Variants in SLC4A2 observed in about 807,000 individuals in gnomAD.
The protein encoded by SLC4A2 is solute carrier family 4 member 2.
A neutral mutation model predicts 115.0 loss-of-function variants in SLC4A2; 36 were observed. The observed-to-expected ratio is 0.31, with a 90% CI of 0.24 to 0.41. The LOEUF is 0.41. SLC4A2 is among the 10% of genes least tolerant of loss of function. The pLI is 1.00. For synonymous variants in SLC4A2, 708 were observed against 708.3 expected (o/e 1.00, Z 0.01); for missense variants, 1,252 against 1,705.6 (o/e 0.73, Z 4.68).
chr7:151,070,379 G>A (rs749843926), intron 10 of SLC4A2, 33 bp downstream of exon 10: 18 of 1,609,568 alleles, frequency 1.1e-5, no homozygotes, highest in Admixed American at 8.4e-5. Flanking sequence ...CTGGGCTGGC[G>A]GCAGGGCTGA....
rs1797611392 is a variant in SLC4A2 at position 151,075,849 on chromosome 7, G to C, written c.3471+74G>C. 8.0e-6 allele frequency: 12 copies of C among 1,503,030 alleles called. No homozygotes were observed. The South Asian group carries it at 1.5e-4, about 19-fold the overall frequency. 93.1% of individuals were successfully genotyped at this position (1,503,030 alleles called of 1,614,324 possible). On this transcript the variant is annotated intron_variant, in intron 21 of 22. Coordinates refer to ENST00000413384, the MANE Select transcript of SLC4A2 (RefSeq NM_003040.4). ...GGTCTACTTGGGTCACTCTCCAGCT[G>C]CCCCCTCCCATCTGCCCAGTTCAGC...
rs1388701735 is a variant in SLC4A2 at position 151,060,844 on chromosome 7, T to C, written c.-63-1081T>C. The stretch of plus-strand genomic sequence containing the variant: ...ATCCTGGGTGACCCCCCCAGACCTA[T>C]ATTGTTTGACGCTACACTGACTTGT... On this transcript the variant is annotated intron_variant, in intron 1 of 22. Coordinates refer to ENST00000413384, the MANE Select transcript of SLC4A2 (RefSeq NM_003040.4). The surrounding 1 kb of genome is among the most constrained non-coding windows in gnomAD (Gnocchi z 5.9). 1.3e-5 allele frequency among the ~76,000 whole-genome samples: 2 copies of C among 152,056 alleles called. No individual in the cohort carries two copies. Among genetic ancestry groups the C allele is most frequent in the African/African-American group, 4.8e-5 (2 of 41,408 alleles).
chr7:151,064,032 G>T (rs932781930), intron 2 of SLC4A2, among the ~76,000 whole-genome samples, 170 bp from the exon 3 acceptor site: 10 of 151,312 alleles, frequency 6.6e-5, no homozygotes, highest in Admixed American at 2.6e-4. Context: ...CCTGGCCTGG[G>T]TCCCTATATT....
chr7:151,073,734 C>T (rs1244064327), intron 16 of SLC4A2, among the ~76,000 whole-genome samples: 1 of 152,178 alleles, frequency 6.6e-6, no homozygotes, highest in African/African-American at 2.4e-5. Flanking sequence ...ATGTGTGTGA[C>T]AGGCCACTCA....
At chr7:151,063,874 G>T (rs539300385) in intron 2 of SLC4A2, among the ~76,000 whole-genome samples, 1 of 152,238 alleles carries the variant, frequency 6.6e-6, no homozygotes, top group African/African-American at 2.4e-5. Context: ...GATTACTGGT[G>T]TCCGCCACCA....
Position 151,074,683 on chromosome 7 carries a change from C to T in SLC4A2, c.2889C>T (p.Ser963=), listed in dbSNP as rs1378265892. ...SIEDTYTQKL[S]VPSGFSVTAP... ...CTGTGTCTGCCCTGCAGAAGCTGAG[C>T]GTTCCCAGTGGATTCTCGGTGACTG... Residue 963 remains serine, a synonymous_variant, in exon 19 of 23, where the codon AGC becomes AGT. Transcript: ENST00000413384. The T allele has an allele frequency of 3.1e-6, 5 of 1,597,582 alleles. No homozygotes were observed. The highest frequency in any genetic ancestry group is 2.2e-5 in the South Asian group (2 of 90,020).
intron 19 of SLC4A2, 76 bp downstream of exon 19, chr7:151,074,917 A>T (rs753910339): frequency 7.0e-7 from 1 of 1,426,598 alleles, no homozygotes; most frequent in Non-Finnish European, 9.4e-7. Flanking sequence ...TGGAACCTCC[A>T]GCCACACTGG....
At chr7:151,066,424 T>C (rs916820370) in intron 5 of SLC4A2, 93 bp from the exon 6 acceptor site, 1 of 1,391,004 alleles carries the variant, frequency 7.2e-7, no homozygotes, top group Non-Finnish European at 9.5e-7. Flanking sequence ...TGGAGTCCGA[T>C]GTGGGTCCCC....
intron 5 of SLC4A2, among the ~76,000 whole-genome samples, chr7:151,065,861 G>T (rs780168868): frequency 6.6e-6 from 1 of 152,148 alleles, no homozygotes; most frequent in Non-Finnish European, 1.5e-5. Flanking sequence ...AGAGCTTGGA[G>T]CTCTGGGGGC....
At chr7:151,058,582 C>T (rs1034277807), upstream of SLC4A2, 1 of 152,328 alleles carries the variant, frequency 6.6e-6, no homozygotes, top group Admixed American at 6.5e-5. Flanking sequence ...TTTGTTGTCT[C>T]GGAGCCCACC....
In SLC4A2 at chr7:151,070,387, TGAGGAAGCC is replaced by T. The variant is rs747770342; in HGVS notation, c.1449+42_1449+50del. 1.5e-5 allele frequency: 24 copies of T among 1,610,422 alleles called. No homozygotes were observed. In the South Asian group the frequency reaches 2.5e-4, roughly 17 times the overall value. ...GCCCTGCCTGGGCTGGCGGCAGGGC[TGAGGAAGCC>T]TGGGTGTGGACTCAGAGTGGGAGGG... On this transcript the variant is annotated intron_variant, in intron 10 of 22. Transcript: ENST00000413384.
chr7:151,075,959 C>A, intron 21 of SLC4A2, 54 bp from the exon 22 acceptor site: 1 of 1,527,626 alleles, frequency 6.5e-7, no homozygotes, highest in East Asian at 2.3e-5. Context: ...GAGAGAGGCT[C>A]TTCCCAGCAG....
chr7:151,069,928 C>T lies in SLC4A2; in HGVS notation c.1148-19C>T. On this transcript the variant is annotated intron_variant, in intron 8 of 22. Coordinates refer to ENST00000413384, the MANE Select transcript of SLC4A2 (RefSeq NM_003040.4). Reference sequence around the variant, plus strand: ...TTGTGACCTGGGGCTGAGGGGCCCTCTGTGCCATCTTATGCTAGGGGCTGT... The same window carrying T: ...TTGTGACCTGGGGCTGAGGGGCCCTTTGTGCCATCTTATGCTAGGGGCTGT... 1.2e-6 allele frequency: 2 copies of T among 1,613,594 alleles called. No individual in the cohort carries two copies. Among genetic ancestry groups the T allele is most frequent in the South Asian group, 1.1e-5 (1 of 91,074 alleles).
rs762370171 is a variant in SLC4A2, at chr7:151,070,920, C to T, written c.1749+9C>T. The T allele has an allele frequency of 3.7e-5, 59 of 1,611,286 alleles. No individual in the cohort carries two copies. The highest frequency in any genetic ancestry group is 4.7e-5 in the Non-Finnish European group (55 of 1,179,576). Reference sequence around the variant, plus strand: ...CCCTCATGTCAGACAAGGTCAGCTACCCTCCTCCTCTGGGCCCTGCTTCCT... The same window carrying T: ...CCCTCATGTCAGACAAGGTCAGCTATCCTCCTCCTCTGGGCCCTGCTTCCT... On this transcript the variant is annotated intron_variant, in intron 12 of 22. Transcript: ENST00000413384.
In SLC4A2 at chr7:151,060,508, G is replaced by C. The variant is rs1322991152; in HGVS notation, c.-64+746G>C. ...GAGATACTAATCCTCTGGGCCGGTC[G>C]GGGCTGGTCCCGGGAATGTGCCCCT... On this transcript the variant is annotated intron_variant, in intron 1 of 22. Transcript: ENST00000413384. This position sits in a 1 kb window ranked among gnomAD's most constrained non-coding sequence, Gnocchi z 5.9. Among the ~76,000 whole-genome samples the C allele has an allele frequency of 6.6e-6, 1 of 152,218 alleles. No individual in the cohort carries two copies. The highest frequency in any genetic ancestry group is 1.5e-5 in the Non-Finnish European group (1 of 68,030).
At chr7:151,074,535 C>T (rs372574320) in intron 18 of SLC4A2, 47 bp downstream of exon 18, 289 of 1,602,474 alleles carry the variant, frequency 1.8e-4, no homozygotes, top group Non-Finnish European at 2.2e-4. Flanking sequence ...TCTGCCACCC[C>T]GGGTCTAGGT....
In SLC4A2 at chr7:151,071,741, G is replaced by A. The variant is rs376197922; in HGVS notation, c.2244G>A (p.Ala748=). The part of the protein sequence containing the change: ...IGVSELIMST[A]LQGVVFCLLG... Reference sequence around the variant, plus strand: ...TGTCGGAGCTGATTATGTCCACAGCGCTCCAGGGCGTGGTCTTCTGCCTGC... The same window carrying A: ...TGTCGGAGCTGATTATGTCCACAGCACTCCAGGGCGTGGTCTTCTGCCTGC... The change falls in exon 15 of 23, where the codon GCG becomes GCA. Residue 748 remains alanine (A), a synonymous_variant. Transcript: ENST00000413384. This position sits in a 1 kb window ranked among gnomAD's most constrained non-coding sequence, Gnocchi z 5.5. 40 of 1,612,482 alleles carry A rather than the reference G, an allele frequency of 2.5e-5. No homozygotes were observed. The South Asian group carries it at 3.0e-4, about 12-fold the overall frequency.
chr7:151,072,615 C>T (rs887280661), intron 16 of SLC4A2, among the ~76,000 whole-genome samples: 47 of 151,644 alleles, frequency 3.1e-4, no homozygotes, highest in Non-Finnish European at 2.8e-4. Flanking sequence ...AACAGCAACT[C>T]GAACTAGACA....
chr7:151,069,158 A>AGAAAAAAAAAAAAAAAAAAAAG (rs1797342158), intron 8 of SLC4A2, among the ~76,000 whole-genome samples: 1 of 148,282 alleles, frequency 6.7e-6, no homozygotes, highest in Non-Finnish European at 1.5e-5. Context: ...AAAAAAAAAA[A>AGAAAAAAAAAAAAAAAAAAAAG]AGCAGCTGAG....
Sources: allele counts gnomAD v4.1 joint callset (sites outside exome capture counted in the v4.1 genomes callset), GRCh38; gene constraint gnomAD v4.1.1; non-coding constraint Gnocchi (gnomAD v3.1); transcripts MANE v1.5; gene names NCBI Gene and HGNC (gene_info 2026-07-23, HGNC 2026-07-21).